Variants in BCAS3 observed in about 807,000 individuals in gnomAD.
BCAS3 encodes BCAS4/BCAS3 fusion.
Under a neutral mutation model 116.1 loss-of-function variants are expected in BCAS3, and 53 were observed. The ratio of observed to expected loss-of-function variants is 0.46; its 90% CI spans 0.37 to 0.57. BCAS3 has a LOEUF of 0.57. Ranked by LOEUF, BCAS3 falls within the 20% of genes least tolerant of loss-of-function variation. BCAS3 has a pLI of 0.00. For synonymous variants in BCAS3, 391 were observed against 408.2 expected, an observed-to-expected ratio of 0.96 and a Z score of 0.51; for missense variants, 917 against 1,165.4, an observed-to-expected ratio of 0.79 and a Z score of 3.10.
rs1054924415 is a variant in BCAS3 at position 61,235,395 on chromosome 17, G to C, written c.2426-132932G>C. 6.6e-6 allele frequency among the ~76,000 whole-genome samples: 1 copy of C among 152,190 alleles called. No individual in the cohort carries two copies. The highest frequency in any genetic ancestry group is 1.5e-5 in the Non-Finnish European group (1 of 68,040). On this transcript the variant is annotated intron_variant, in intron 22 of 23. Coordinates refer to ENST00000407086, the MANE Select transcript of BCAS3 (RefSeq NM_017679.5). This position sits in a 1 kb window ranked among gnomAD's most constrained non-coding sequence, Gnocchi z 5.0. Reference sequence around the variant, plus strand: ...GAAAATGTACAGTTTTGAGAATTTCGATATTTGACAGATGATTGAGCCACT... The same window carrying C: ...GAAAATGTACAGTTTTGAGAATTTCCATATTTGACAGATGATTGAGCCACT...
At chr17:60,789,355 G>C (rs2046557103) in intron 6 of BCAS3, among the ~76,000 whole-genome samples, 1 of 152,018 alleles carries the variant, frequency 6.6e-6, no homozygotes, top group Non-Finnish European at 1.5e-5. Context: ...GTGTGGTGGG[G>C]GATATTATTT....
chr17:61,005,648 C>T lies in BCAS3; in HGVS notation c.1487-10103C>T, dbSNP rs1005892979. On this transcript the variant is annotated intron_variant, in intron 15 of 23. Transcript: ENST00000407086. Reference sequence around the variant, plus strand: ...CATGGGTAAAAAGAAGGAAGGCGTCCGTGGGTTGGGGCGGGAGAATAGGGG... The same window carrying T: ...CATGGGTAAAAAGAAGGAAGGCGTCTGTGGGTTGGGGCGGGAGAATAGGGG... Among the ~76,000 whole-genome samples the T allele has an allele frequency of 6.6e-5, 10 of 151,512 alleles. No individual in the cohort carries two copies. In the East Asian group the frequency reaches 7.7e-4, roughly 12 times the overall value.
intron 22 of BCAS3, among the ~76,000 whole-genome samples, chr17:61,234,674 C>T (rs781734656): frequency 1.8e-4 from 27 of 151,890 alleles, no homozygotes; most frequent in Admixed American, 9.2e-4. Context: ...TTCACCAACC[C>T]ATGGACCTAT....
chr17:60,969,608 G>C (rs191977271), intron 14 of BCAS3, among the ~76,000 whole-genome samples: 37 of 152,094 alleles, frequency 2.4e-4, no homozygotes, highest in African/African-American at 8.7e-4. Context: ...GAGAGTAAGG[G>C]AGGAAAAAAA....
intron 7 of BCAS3, chr17:60,810,659 G>T: frequency 1.5e-6 from 1 of 672,808 alleles, no homozygotes; most frequent in South Asian, 1.4e-5. Flanking sequence ...GATGACTTTA[G>T]AGTCAAGTAT....
Position 61,380,964 on chromosome 17 carries a change from C to T in BCAS3, c.2594-11013C>T, listed in dbSNP as rs755057060. On this transcript the variant is annotated intron_variant, in intron 23 of 23. Transcript: ENST00000407086. The surrounding 1 kb of genome is among the most constrained non-coding windows in gnomAD (Gnocchi z 4.2). ...TTGCAGTCCCTGCAGGAGCCTGGAG[C>T]TGGCCCCTAGTATAATTGGTGCTGT... Among the ~76,000 whole-genome samples the T allele has an allele frequency of 3.9e-5, 6 of 152,234 alleles. No homozygotes were observed. Among genetic ancestry groups the T allele is most frequent in the Non-Finnish European group, 7.3e-5 (5 of 68,036 alleles).
chr17:61,232,522 G>A lies in BCAS3; in HGVS notation c.2426-135805G>A, dbSNP rs117065490. Reference sequence around the variant, plus strand: ...TATGTGTTGTATTCATGGCAGTTCGGCAGACCCTTGGAATATAACCTTCTT... The same window carrying A: ...TATGTGTTGTATTCATGGCAGTTCGACAGACCCTTGGAATATAACCTTCTT... On this transcript the variant is annotated intron_variant, in intron 22 of 23. Coordinates refer to ENST00000407086, the MANE Select transcript of BCAS3 (RefSeq NM_017679.5). Among the ~76,000 whole-genome samples, 428 of 152,170 alleles carry A rather than the reference G, an allele frequency of 2.8e-3. 4 individuals carry two copies. Among genetic ancestry groups the A allele is most frequent in the Middle Eastern group, 6.8e-3 (2 of 294 alleles).
chr17:61,093,100 G>A (rs1025270617), intron 22 of BCAS3, among the ~76,000 whole-genome samples: 2 of 151,578 alleles, frequency 1.3e-5, no homozygotes, highest in Non-Finnish European at 2.9e-5. Context: ...TAGAGATGAG[G>A]TTTCATCATG....
In BCAS3 at chr17:61,344,059, T is replaced by C. The variant is rs2057352735; in HGVS notation, c.2426-24268T>C. Among the ~76,000 whole-genome samples the C allele has an allele frequency of 6.6e-6, 1 of 151,900 alleles. No individual in the cohort carries two copies. Among genetic ancestry groups the C allele is most frequent in the Non-Finnish European group, 1.5e-5 (1 of 67,970 alleles). On this transcript the variant is annotated intron_variant, in intron 22 of 23. Transcript: ENST00000407086. This position sits in a 1 kb window ranked among gnomAD's most constrained non-coding sequence, Gnocchi z 4.1. The stretch of plus-strand genomic sequence containing the variant: ...AGACAGGCAAGAGTCAGTAATAAGA[T>C]CAGAGAGTAGAAGACTAGGGCCAGG...
chr17:61,169,054 A>G (rs1207759950), intron 22 of BCAS3, among the ~76,000 whole-genome samples: 1 of 152,198 alleles, frequency 6.6e-6, no homozygotes, highest in Non-Finnish European at 1.5e-5. Context: ...TTGAGGAGCA[A>G]TATACAAGGA....
rs1396734903 is a variant in BCAS3 at position 61,325,808 on chromosome 17, T to A, written c.2426-42519T>A. On this transcript the variant is annotated intron_variant, in intron 22 of 23. Coordinates refer to ENST00000407086, the MANE Select transcript of BCAS3 (RefSeq NM_017679.5). The surrounding 1 kb of genome is among the most constrained non-coding windows in gnomAD (Gnocchi z 6.4). ...GTGTCTCCATTTTTCCTGGTCTTGGTGGCAAGATAAACAGGATAGGGTGGT... is the reference window on the plus strand; with the variant it reads ...GTGTCTCCATTTTTCCTGGTCTTGGAGGCAAGATAAACAGGATAGGGTGGT... 1.3e-5 allele frequency among the ~76,000 whole-genome samples: 2 copies of A among 152,104 alleles called. No homozygotes were observed. Among genetic ancestry groups the A allele is most frequent in the African/African-American group, 4.8e-5 (2 of 41,424 alleles).
At chr17:61,100,474 T>C (rs2074255127) in intron 22 of BCAS3, among the ~76,000 whole-genome samples, 1 of 152,192 alleles carries the variant, frequency 6.6e-6, no homozygotes, top group African/African-American at 2.4e-5. Context: ...TCTTTCTCTT[T>C]ATTCCAACTC....
chr17:60,970,034 G>A (rs2061868744), intron 14 of BCAS3, among the ~76,000 whole-genome samples: 1 of 152,144 alleles, frequency 6.6e-6, no homozygotes, highest in Admixed American at 6.5e-5. Flanking sequence ...GCAGCTTTAG[G>A]AAATAGTGAA....
At chr17:61,159,151 T>C (rs2078023446) in intron 22 of BCAS3, among the ~76,000 whole-genome samples, 1 of 152,206 alleles carries the variant, frequency 6.6e-6, no homozygotes, top group African/African-American at 2.4e-5. Flanking sequence ...CCATAAGAAT[T>C]ACACACAGAA....
intron 22 of BCAS3, among the ~76,000 whole-genome samples, chr17:61,340,161 G>A (rs767506872): frequency 1.3e-5 from 2 of 152,118 alleles, no homozygotes; most frequent in Non-Finnish European, 2.9e-5. Flanking sequence ...AAGGGAAAGA[G>A]AGAAATGGGG....
intron 5 of BCAS3, among the ~76,000 whole-genome samples, chr17:60,740,425 G>T (rs939525351): frequency 1.3e-5 from 2 of 151,192 alleles, no homozygotes; most frequent in Admixed American, 1.3e-4. Flanking sequence ...TTGAGCCCAG[G>T]GGGGCCGAGG....
Position 60,723,577 on chromosome 17 carries a change from C to T in BCAS3, c.321+14252C>T, listed in dbSNP as rs370869426. On this transcript the variant is annotated intron_variant, in intron 5 of 23. Transcript: ENST00000407086. Reference sequence around the variant, plus strand: ...TAATTTCCTACAAATAAATATATAGCCATAGCACTGTCATCAAGCCCAGGA... The same window carrying T: ...TAATTTCCTACAAATAAATATATAGTCATAGCACTGTCATCAAGCCCAGGA... Among the ~76,000 whole-genome samples the T allele has an allele frequency of 3.6e-4, 55 of 152,092 alleles. 1 individual carries two copies. Among genetic ancestry groups the T allele is most frequent in the African/African-American group, 1.3e-3 (54 of 41,488 alleles).
intron 16 of BCAS3, among the ~76,000 whole-genome samples, chr17:61,033,043 A>G (rs558301509): frequency 6.6e-6 from 1 of 152,300 alleles, no homozygotes; most frequent in South Asian, 2.1e-4. Flanking sequence ...GACTATTTAA[A>G]ATGTCATAGG....
chr17:61,063,069 C>A lies in BCAS3; in HGVS notation c.2030-11851C>A, dbSNP rs2070230585. Among the ~76,000 whole-genome samples the A allele has an allele frequency of 1.3e-5, 2 of 152,242 alleles. No homozygotes were observed. Among genetic ancestry groups the A allele is most frequent in the South Asian group, 4.2e-4 (2 of 4,814 alleles). ...CATAATCAACAGATGTTATTATTTT[C>A]TTTGGCCCTCCAGAAAGTCAACAAA... On this transcript the variant is annotated intron_variant, in intron 19 of 23. Coordinates refer to ENST00000407086, the MANE Select transcript of BCAS3 (RefSeq NM_017679.5). The surrounding 1 kb of genome is among the most constrained non-coding windows in gnomAD (Gnocchi z 5.3).
Sources: allele counts gnomAD v4.1 joint callset (sites outside exome capture counted in the v4.1 genomes callset), GRCh38; gene constraint gnomAD v4.1.1; non-coding constraint Gnocchi (gnomAD v3.1); transcripts MANE v1.5; gene names NCBI Gene and HGNC (gene_info 2026-07-23, HGNC 2026-07-21).